Variants in TBC1D8 observed in about 807,000 individuals in gnomAD.
TBC1D8 encodes BUB2-like protein 1.
A neutral mutation model predicts 118.8 loss-of-function variants in TBC1D8; 65 were observed. That is an observed-to-expected ratio of 0.55 (90% CI 0.45 to 0.67). The LOEUF is 0.67. Ranked by LOEUF, TBC1D8 falls within the 30% of genes least tolerant of loss-of-function variation. TBC1D8 has a pLI of 0.00. For missense variants in TBC1D8, 1,376 were observed against 1,471.2 expected (o/e 0.94, Z 1.06); for synonymous variants, 566 against 595.8 (o/e 0.95, Z 0.73).
At chr2:101,077,915 C>G (rs1558680932) in intron 2 of TBC1D8, among the ~76,000 whole-genome samples, 1 of 152,184 alleles carries the variant, frequency 6.6e-6, no homozygotes, top group Non-Finnish European at 1.5e-5. Flanking sequence ...ATTACTCCTG[C>G]AGATAACAAC....
At chr2:101,018,086 A>G in intron 17 of TBC1D8, 1 of 681,280 alleles carries the variant, frequency 1.5e-6, no homozygotes, top group Non-Finnish European at 2.4e-6. Flanking sequence ...ATGGGACTAG[A>G]TTTTGAATCC....
At chr2:101,080,299 GT>G (rs1225911730) in intron 2 of TBC1D8, among the ~76,000 whole-genome samples, 2 of 152,092 alleles carry the variant, frequency 1.3e-5, no homozygotes, top group Admixed American at 1.3e-4. Context: ...GAAAAGCACT[GT>G]CTTCCCTCCC....
intron 17 of TBC1D8, among the ~76,000 whole-genome samples, chr2:101,020,623 G>A (rs1679975452): frequency 6.6e-6 from 1 of 152,210 alleles, no homozygotes; most frequent in Non-Finnish European, 1.5e-5. Context: ...GGGAGAGCGT[G>A]CCTAAGGTAT....
chr2:101,148,050 G>T lies in TBC1D8; in HGVS notation c.127+3077C>A, dbSNP rs137990278. 6.5e-3 allele frequency among the ~76,000 whole-genome samples: 986 copies of T among 152,324 alleles called. 12 individuals are homozygous for T. Among genetic ancestry groups the T allele is most frequent in the African/African-American group, 0.022 (923 of 41,568 alleles). ...CCCTAGTAGTGCTCAGAGCCCAGGAGCTAACAATGGCAGCCACATCTGTGC... is the reference window on the plus strand; with the variant it reads ...CCCTAGTAGTGCTCAGAGCCCAGGATCTAACAATGGCAGCCACATCTGTGC... On this transcript the variant is annotated intron_variant, in intron 1 of 19. Transcript: ENST00000409318.
intron 1 of TBC1D8, among the ~76,000 whole-genome samples, chr2:101,115,352 CAG>C (rs1429076149): frequency 6.6e-6 from 1 of 152,238 alleles, no homozygotes; most frequent in African/African-American, 2.4e-5. Context: ...TTTACTTCCT[CAG>C]ACTCATGGAC....
At chr2:101,016,995 C>T (rs1679697103) in intron 17 of TBC1D8, among the ~76,000 whole-genome samples, 1 of 151,548 alleles carries the variant, frequency 6.6e-6, no homozygotes, top group Non-Finnish European at 1.5e-5. Context: ...TTAATGGGTG[C>T]AGCACACCAG....
intron 15 of TBC1D8, among the ~76,000 whole-genome samples, chr2:101,027,131 G>A (rs1478252903): frequency 2.6e-5 from 4 of 152,212 alleles, no homozygotes; most frequent in East Asian, 1.9e-4. Context: ...CAGCTTCAGC[G>A]CGAGGCCAGG....
At chr2:101,134,609 G>C (rs903191045) in intron 1 of TBC1D8, among the ~76,000 whole-genome samples, 1 of 152,148 alleles carries the variant, frequency 6.6e-6, no homozygotes, top group Non-Finnish European at 1.5e-5. Context: ...ACATGGCAGA[G>C]AGGGTAAGCT....
chr2:101,136,464 T>TCCCC (rs1558727865), intron 1 of TBC1D8, among the ~76,000 whole-genome samples: 1 of 152,124 alleles, frequency 6.6e-6, no homozygotes, highest in Non-Finnish European at 1.5e-5. Context: ...CCAAATAAAA[T>TCCCC]TCTTTTCTTT....
intron 9 of TBC1D8, among the ~76,000 whole-genome samples, chr2:101,033,961 C>T (rs554809682): frequency 2.6e-5 from 4 of 152,048 alleles, no homozygotes; most frequent in Non-Finnish European, 5.9e-5. Context: ...GTCAGGAGTT[C>T]GAGACCAGCC....
chr2:101,041,508 G>A (rs1213591047), intron 5 of TBC1D8, among the ~76,000 whole-genome samples: 1 of 152,074 alleles, frequency 6.6e-6, no homozygotes, highest in Non-Finnish European at 1.5e-5. Context: ...ACAGAAAATA[G>A]ATTACTGATT....
intron 19 of TBC1D8, 55 bp from the exon 20 acceptor site, chr2:101,008,328 T>G (rs1573843424): frequency 1.4e-6 from 2 of 1,398,392 alleles, no homozygotes; most frequent in Non-Finnish European, 1.9e-6. Flanking sequence ...AGTGTCATTT[T>G]TTTTTTTAAA....
chr2:101,076,601 G>A (rs1274105940), intron 2 of TBC1D8, among the ~76,000 whole-genome samples: 1 of 152,180 alleles, frequency 6.6e-6, no homozygotes, highest in African/African-American at 2.4e-5. Flanking sequence ...CAGCCAGCAG[G>A]ATATTCCACA....
At chr2:101,134,480 A>C (rs1484686091) in intron 1 of TBC1D8, among the ~76,000 whole-genome samples, 2 of 152,184 alleles carry the variant, frequency 1.3e-5, no homozygotes, top group Non-Finnish European at 2.9e-5. Context: ...TAAACTGCAG[A>C]AGTTTATTTT....
At chr2:101,109,423 C>A (rs1366082902) in intron 1 of TBC1D8, among the ~76,000 whole-genome samples, 1 of 152,152 alleles carries the variant, frequency 6.6e-6, no homozygotes, top group Non-Finnish European at 1.5e-5. Flanking sequence ...GATAACATGT[C>A]TGCAAATTTC....
At position 101,037,546 on chromosome 2, in the gene TBC1D8, G is replaced by T. The variant is rs776051192; in HGVS notation, c.1438C>A (p.Pro480Thr). 1.4e-5 allele frequency: 22 copies of T among 1,612,380 alleles called. No homozygotes were observed. Among genetic ancestry groups the T allele is most frequent in the Non-Finnish European group, 1.9e-5 (22 of 1,179,884 alleles). The stretch of plus-strand genomic sequence containing the variant: ...GCGTCACCCACCATTCGGGAGTCAG[G>T]GCTCTGGCTGCCTGACTGCTGGAAG... ...TAFQQSGSQS[P>T]DSRMSREQIK... Residue 480 changes from proline to threonine, a missense_variant, in exon 8 of 20, where the codon CCT becomes ACT. By Grantham distance (38) the Pro-to-Thr change is conservative. Transcript: ENST00000409318.
At chr2:101,084,729 A>G (rs905318590) in intron 2 of TBC1D8, among the ~76,000 whole-genome samples, 10 of 152,224 alleles carry the variant, frequency 6.6e-5, no homozygotes, top group East Asian at 1.9e-4. Flanking sequence ...TCACACACAC[A>G]GCGCAGAATC....
chr2:101,019,140 G>C, intron 17 of TBC1D8: 2 of 1,492,856 alleles, frequency 1.3e-6, no homozygotes, highest in Non-Finnish European at 9.1e-7. Flanking sequence ...GAGGACGTCT[G>C]TCTCCCATAT....
intron 1 of TBC1D8, among the ~76,000 whole-genome samples, chr2:101,103,642 T>G (rs1677017064): frequency 6.6e-6 from 1 of 152,136 alleles, no homozygotes; most frequent in African/African-American, 2.4e-5. Flanking sequence ...TCCGCCCGCC[T>G]TGGCCTCCCA....
Sources: gnomAD v4.1 joint callset for allele counts (sites outside exome capture counted in the v4.1 genomes callset) on GRCh38, gnomAD v4.1.1 for gene constraint, MANE v1.5 for transcripts, NCBI Gene and HGNC (gene_info 2026-07-23, HGNC 2026-07-21) for gene names.